The following PZP variants were observed in gnomAD, a reference collection of about 807,000 sequenced individuals.
PZP encodes the protein pregnancy zone protein.
PZP carries 150 observed loss-of-function variants against 179.8 expected under a neutral mutation model. The ratio of observed to expected loss-of-function variants is 0.83; its 90% CI spans 0.73 to 0.96. The LOEUF (loss-of-function observed/expected upper bound fraction) is 0.96, where lower values mean the gene tolerates loss of function less well. Ranked by LOEUF, PZP falls within the 40% of genes least tolerant of loss-of-function variation. The pLI, the probability that PZP is intolerant of heterozygous loss-of-function variation, is 0.00. For missense variants in PZP, 1,689 were observed against 1,764.0 expected, an observed-to-expected ratio of 0.96 and a Z score of 0.76; for synonymous variants, 624 against 652.3, an observed-to-expected ratio of 0.96 and a Z score of 0.66.
chr12:9,159,705 C>T (rs970369358), intron 25 of PZP, among the ~76,000 whole-genome samples: 3 of 151,734 alleles, frequency 2.0e-5, no homozygotes, highest in Admixed American at 6.6e-5. Context: ...TGATGCCCTG[C>T]ATCACCGTGG....
chr12:9,196,891 C>T (rs60393674), intron 8 of PZP, 121 bp downstream of exon 8: 11 of 845,898 alleles, frequency 1.3e-5, no homozygotes, highest in African/African-American at 3.4e-5. Flanking sequence ...AACAGAAATT[C>T]GTTTTTTGGT....
chr12:9,142,724 G>A, the PZP span, among the ~76,000 whole-genome samples: 292 of 152,232 alleles, frequency 1.9e-3, 1 homozygote, highest in African/African-American at 6.8e-3. Flanking sequence ...TTTGGGTGAG[G>A]CCCTTTAAGA....
intron 4 of PZP, 60 bp downstream of exon 4, chr12:9,202,259 C>A: frequency 7.1e-7 from 1 of 1,404,684 alleles, no homozygotes; most frequent in Non-Finnish European, 1.0e-6. Context: ...CTTTCTACCT[C>A]ACTCTGGGTG....
chr12:9,173,684 C>A (rs955664176), intron 15 of PZP, among the ~76,000 whole-genome samples: 2 of 152,092 alleles, frequency 1.3e-5, no homozygotes, highest in Non-Finnish European at 2.9e-5. Context: ...CAACCATCCG[C>A]AAATACTATA....
intron 15 of PZP, among the ~76,000 whole-genome samples, chr12:9,177,707 T>C (rs1194487737): frequency 6.6e-6 from 1 of 152,258 alleles, no homozygotes; most frequent in African/African-American, 2.4e-5. Flanking sequence ...CTTAAACGTT[T>C]CTATAACTTT....
chr12:9,194,100 A>G lies in PZP; in HGVS notation c.1231T>C (p.Ser411Pro), dbSNP rs1471224981. The G allele has an allele frequency of 1.9e-6, 3 of 1,613,762 alleles. No individual in the cohort carries two copies. Among genetic ancestry groups the G allele is most frequent in the Non-Finnish European group, 2.5e-6 (3 of 1,179,804 alleles). The change falls in exon 11 of 36, where the codon TCG (serine) becomes CCG (proline). Residue 411 changes from serine (S) to proline (P), a missense_variant. Ser to Pro is a moderately conservative substitution (Grantham distance 74). Around this residue, in one of 3 missense-constraint regions of PZP, gnomAD observed 742 missense variants for 730.5 expected, o/e 1.02. Coordinates refer to ENST00000261336, the MANE Select transcript of PZP (RefSeq NM_002864.3). ...AQFSINTTSI[S>P]VNKLFVRVFT... ...ACCCGGACAAAAAGTTTATTAACCG[A>G]GATACTGGTAGTATTGATTGAAAAC...
At chr12:9,177,817 T>C (rs896239686) in intron 15 of PZP, among the ~76,000 whole-genome samples, 1 of 152,222 alleles carries the variant, frequency 6.6e-6, no homozygotes, top group Non-Finnish European at 1.5e-5. Context: ...TTTATGTGAC[T>C]AAAAGGAATA....
intron 26 of PZP, 29 bp downstream of exon 26, chr12:9,158,391 C>T (rs1940917649): frequency 6.2e-7 from 1 of 1,612,204 alleles, no homozygotes; most frequent in South Asian, 1.1e-5. Flanking sequence ...TGATGTGTGT[C>T]AGGCTCAGAA....
In PZP at chr12:9,152,823, C is replaced by G; in HGVS notation, c.4121+1G>C. 1 of 1,613,946 alleles carries G rather than the reference C, an allele frequency of 6.2e-7. No individual in the cohort carries two copies. The highest frequency in any genetic ancestry group is 1.7e-5 in the Admixed American group (1 of 60,012). ...TAGGTGATTAGGTTAGAACGTCTTA[C>G]CTGATGGTCAGTGAGATCTGAAAGC... On this transcript the variant is annotated splice_donor_variant, in intron 31 of 35. Transcript: ENST00000261336. LOFTEE classifies it high-confidence loss of function.
chr12:9,137,858 G>A, the PZP span, among the ~76,000 whole-genome samples: 2 of 152,016 alleles, frequency 1.3e-5, no homozygotes, highest in Non-Finnish European at 2.9e-5. Flanking sequence ...ATTTTTGTAA[G>A]TTGATTTTGT....
downstream of PZP, among the ~76,000 whole-genome samples, chr12:9,144,435 G>A (rs986581886): frequency 6.6e-6 from 1 of 152,172 alleles, no homozygotes; most frequent in Admixed American, 6.5e-5. Flanking sequence ...AGGATCCAGT[G>A]GGATGAGCTG....
At chr12:9,152,077 TA>T in intron 32 of PZP, 142 bp downstream of exon 32, 1 of 681,662 alleles carries the variant, frequency 1.5e-6, no homozygotes, top group Non-Finnish European at 2.6e-6. Context: ...GCCAACTAAA[TA>T]GTTCATTTAC....
chr12:9,155,985 TA>T, intron 28 of PZP: 1 of 168,018 alleles, frequency 6.0e-6, no homozygotes. Context: ...TTTTCACCAA[TA>T]AAGAACTGGT....
intron 13 of PZP, among the ~76,000 whole-genome samples, chr12:9,187,701 T>C (rs765711764): frequency 3.3e-5 from 5 of 152,342 alleles, no homozygotes; most frequent in Non-Finnish European, 7.3e-5. Context: ...GGGAAACTTA[T>C]AGCACTAAAC....
At chr12:9,160,533 A>C (rs1375208404) in intron 23 of PZP, 43 bp from the exon 24 acceptor site, 1 of 1,569,724 alleles carries the variant, frequency 6.4e-7, no homozygotes, top group Non-Finnish European at 8.7e-7. Flanking sequence ...ATTTCAGTTC[A>C]TAAATAGCCA....
chr12:9,190,294 C>T (rs4883220), intron 13 of PZP, among the ~76,000 whole-genome samples: 85,191 of 151,978 alleles, frequency 0.56, 23,915 homozygotes, highest in Admixed American at 0.63. Flanking sequence ...GTGGTACATA[C>T]ACACCATGGA....
At chr12:9,174,570 TCAGTCCAAAA>T (rs1942234997) in intron 15 of PZP, among the ~76,000 whole-genome samples, 1 of 152,180 alleles carries the variant, frequency 6.6e-6, no homozygotes, top group Non-Finnish European at 1.5e-5. Context: ...CCCCATTATC[TCAGTCCAAAA>T]GATTCTTAAG....
rs1941837081 is a variant in PZP, at chr12:9,169,544, A to G, written c.1887T>C (p.Asn629=). The stretch of plus-strand genomic sequence containing the variant: ...CTTGTTCTTCCTCCTGCTGGTCCAC[A>G]TTGTCAGGAAAATTGGTGAGATCCT... The part of the protein sequence containing the change: ...TVKDLTNFPD[N]VDQQEEEQGH... Residue 629 remains asparagine, a synonymous_variant, in exon 16 of 36, where the codon AAT becomes AAC. Transcript: ENST00000261336. 6 of 1,613,166 alleles carry G rather than the reference A, an allele frequency of 3.7e-6. No individual in the cohort carries two copies. Among genetic ancestry groups the G allele is most frequent in the South Asian group, 1.1e-5 (1 of 90,900 alleles).
At position 9,163,806 on chromosome 12, in the gene PZP, T is replaced by G; in HGVS notation, c.2615-17A>C. On this transcript the variant is annotated splice_polypyrimidine_tract_variant and intron_variant, in intron 20 of 35. Coordinates refer to ENST00000261336, the MANE Select transcript of PZP (RefSeq NM_002864.3). Reference sequence around the variant, plus strand: ...TCACATTCCCTAAAACAAGGAATATTGAAAACATGAGTATCCACTTTGATA... The same window carrying G: ...TCACATTCCCTAAAACAAGGAATATGGAAAACATGAGTATCCACTTTGATA... 1 of 1,608,742 alleles carries G rather than the reference T, an allele frequency of 6.2e-7. No homozygotes were observed. The highest frequency in any genetic ancestry group is 1.3e-5 in the African/African-American group (1 of 74,686).
Sources: allele counts gnomAD v4.1 joint callset (sites outside exome capture counted in the v4.1 genomes callset), GRCh38; gene constraint gnomAD v4.1.1; regional missense constraint gnomAD v4.1.1; transcripts MANE v1.5; gene names NCBI Gene and HGNC (gene_info 2026-07-23, HGNC 2026-07-21).